Variants in SUGCT observed in about 807,000 individuals in gnomAD.
The protein encoded by SUGCT is succinyl-CoA:glutarate CoA-transferase.
A neutral mutation model predicts 55.0 loss-of-function variants in SUGCT; 41 were observed. That is an observed-to-expected ratio of 0.74 (90% CI 0.58 to 0.97). The LOEUF (loss-of-function observed/expected upper bound fraction) is 0.97. Among genes scored for constraint, SUGCT ranks in the 50% least tolerant of loss-of-function variants. The pLI is 0.00. For synonymous variants in SUGCT, 187 were observed against 200.4 expected (o/e 0.93, Z 0.56); for missense variants, 568 against 547.8 (o/e 1.04, Z -0.37).
chr7:40,328,101 A>G (rs1161499608), intron 9 of SUGCT, among the ~76,000 whole-genome samples: 3 of 152,198 alleles, frequency 2.0e-5, no homozygotes, highest in Non-Finnish European at 4.4e-5. Context: ...TACTTTTGAG[A>G]AATAATTATG....
chr7:40,513,744 A>G lies in SUGCT; in HGVS notation c.1089+17358A>G, dbSNP rs1793071843. Among the ~76,000 whole-genome samples, 4 of 151,072 alleles carry G rather than the reference A, an allele frequency of 2.6e-5. 1 individual carries two copies. Among genetic ancestry groups the G allele is most frequent in the Admixed American group, 2.6e-4 (4 of 15,190 alleles). ...TATTTAAATTAGGGGATTCTCCTAG[A>G]GATAATGCTTACTGTGTGATCTTTA... On this transcript the variant is annotated intron_variant, in intron 12 of 13. Coordinates refer to ENST00000335693, the MANE Select transcript of SUGCT (RefSeq NM_001193313.2).
At chr7:40,407,843 C>G (rs2151334743) in intron 9 of SUGCT, among the ~76,000 whole-genome samples, 1 of 152,200 alleles carries the variant, frequency 6.6e-6, no homozygotes, top group East Asian at 1.9e-4. Context: ...GAAATAAGAG[C>G]CATCCAATTC....
chr7:40,195,222 CTTTTTT>C (rs11326653), intron 6 of SUGCT, among the ~76,000 whole-genome samples, 162 bp downstream of exon 6: 1 of 101,300 alleles, frequency 9.9e-6, no homozygotes, highest in Non-Finnish European at 1.9e-5. Context: ...TTTCTTTTTT[CTTTTTT>C]TTTTTTTTTT....
At chr7:40,437,894 T>G (rs928636907) in intron 9 of SUGCT, among the ~76,000 whole-genome samples, 4 of 152,144 alleles carry the variant, frequency 2.6e-5, no homozygotes, top group African/African-American at 9.7e-5. Context: ...GCTCTTGTTT[T>G]GAAGTAGACA....
chr7:40,932,250 A>T, the SUGCT span, among the ~76,000 whole-genome samples: 2 of 152,092 alleles, frequency 1.3e-5, no homozygotes, highest in Non-Finnish European at 2.9e-5. Flanking sequence ...GAGTTTCTTA[A>T]TCCTGAGTTC....
chr7:40,911,476 G>A, the SUGCT span, among the ~76,000 whole-genome samples: 2 of 151,770 alleles, frequency 1.3e-5, no homozygotes, highest in Non-Finnish European at 2.9e-5. Flanking sequence ...GCTGAAGTAG[G>A]AGGGTCAACT....
At chr7:41,011,018 A>T in the SUGCT span, among the ~76,000 whole-genome samples, 1 of 152,232 alleles carries the variant, frequency 6.6e-6, no homozygotes, top group African/African-American at 2.4e-5. Context: ...TGAGGAAAAT[A>T]GGCATATCTT....
At position 40,291,799 on chromosome 7, in the gene SUGCT, A is replaced by T. The variant is rs139904926; in HGVS notation, c.720+17143A>T. On this transcript the variant is annotated intron_variant, in intron 8 of 13. Transcript: ENST00000335693. The stretch of plus-strand genomic sequence containing the variant: ...AAAGTGAAACCACAGATTAGAGGGG[A>T]GTCTTATAGTTTGCGATGTGATAAT... Among the ~76,000 whole-genome samples, 63 of 152,140 alleles carry T rather than the reference A, an allele frequency of 4.1e-4. No individual in the cohort carries two copies. The East Asian group carries it at 9.5e-3, about 23-fold the overall frequency.
At chr7:41,027,443 G>A in the SUGCT span, among the ~76,000 whole-genome samples, 11 of 152,152 alleles carry the variant, frequency 7.2e-5, no homozygotes, top group Admixed American at 3.9e-4. Context: ...ACACTGACTA[G>A]GTTTGAAGCT....
chr7:40,774,627 T>C (rs184677434), intron 13 of SUGCT, among the ~76,000 whole-genome samples: 11 of 152,228 alleles, frequency 7.2e-5, no homozygotes, highest in African/African-American at 2.4e-4. Context: ...ACAGAGTTAT[T>C]TCTGTTGTTG....
rs1787900762 is a variant in SUGCT at position 40,749,513 on chromosome 7, G to T, written c.1153+16G>T. 3.7e-6 allele frequency: 6 copies of T among 1,605,788 alleles called. No homozygotes were observed. In the East Asian group the frequency reaches 8.9e-5, roughly 24 times the overall value. ...TCCGTCCCAGGTCTGAAAAGTTTTG[G>T]TATTTTCTCTAGCACCTTTCTTTAT... On this transcript the variant is annotated intron_variant, in intron 13 of 13. Transcript: ENST00000335693.
chr7:40,842,024 A>G (rs567167382), intron 13 of SUGCT, among the ~76,000 whole-genome samples: 168 of 152,342 alleles, frequency 1.1e-3, no homozygotes, highest in African/African-American at 3.7e-3. Context: ...ATATACTGGG[A>G]AAGAATAACC....
At chr7:40,392,312 T>G (rs1368127766) in intron 9 of SUGCT, among the ~76,000 whole-genome samples, 1 of 152,178 alleles carries the variant, frequency 6.6e-6, no homozygotes, top group East Asian at 1.9e-4. Flanking sequence ...TAAAGAATAG[T>G]CATAATACAA....
chr7:40,706,273 G>A (rs1202341933), intron 12 of SUGCT, among the ~76,000 whole-genome samples: 1 of 152,178 alleles, frequency 6.6e-6, no homozygotes, highest in Non-Finnish European at 1.5e-5. Flanking sequence ...TTGGGAGGCC[G>A]AGGCAGGTGG....
the SUGCT span, among the ~76,000 whole-genome samples, chr7:40,961,013 T>C: frequency 6.6e-6 from 1 of 152,156 alleles, no homozygotes; most frequent in Admixed American, 6.6e-5. Flanking sequence ...ATTGGAAGAC[T>C]CTCTTAAGAA....
chr7:40,549,772 A>T (rs1037534146), intron 12 of SUGCT, among the ~76,000 whole-genome samples: 1 of 152,186 alleles, frequency 6.6e-6, no homozygotes, highest in Non-Finnish European at 1.5e-5. Flanking sequence ...ATATACATAA[A>T]TGTTTCTGAG....
intron 8 of SUGCT, among the ~76,000 whole-genome samples, chr7:40,294,148 A>G (rs188078381): frequency 0.015 from 2,252 of 152,190 alleles, 48 homozygotes; most frequent in Middle Eastern, 0.027. Context: ...GGGTTTCACC[A>G]TGCTGGCCAG....
At chr7:40,873,079 G>C in the SUGCT span, among the ~76,000 whole-genome samples, 1 of 152,112 alleles carries the variant, frequency 6.6e-6, no homozygotes, top group Non-Finnish European at 1.5e-5. Context: ...AGAAGTCATA[G>C]GGTCTTCTCT....
intron 13 of SUGCT, among the ~76,000 whole-genome samples, chr7:40,777,194 C>G (rs899825199): frequency 1.2e-4 from 18 of 152,206 alleles, no homozygotes; most frequent in African/African-American, 4.3e-4. Flanking sequence ...TAACCAAACA[C>G]TAATGAAATG....
Sources: allele counts gnomAD v4.1 joint callset (sites outside exome capture counted in the v4.1 genomes callset), GRCh38; gene constraint gnomAD v4.1.1; transcripts MANE v1.5; gene names NCBI Gene and HGNC (gene_info 2026-07-23, HGNC 2026-07-21).